TTC7B: variants seen among roughly 807,000 people sequenced by gnomAD.
TTC7B encodes tetratricopeptide repeat domain 7B.
TTC7B carries 28 observed loss-of-function variants against 106.8 expected under a neutral mutation model. The observed-to-expected ratio is 0.26, with a 90% confidence interval of 0.19 to 0.36. The LOEUF (loss-of-function observed/expected upper bound fraction) is 0.36, where lower values mean the gene tolerates loss of function less well. TTC7B is among the 10% of genes least tolerant of loss of function. TTC7B has a pLI of 1.00. For missense variants in TTC7B, 862 were observed against 1,076.4 expected, an observed-to-expected ratio of 0.80 and a Z score of 2.79; for synonymous variants, 405 against 430.6, an observed-to-expected ratio of 0.94 and a Z score of 0.74.
At chr14:90,658,176 A>AC (rs989791387) in intron 10 of TTC7B, 128 bp downstream of exon 10, 41 of 794,322 alleles carry the variant, frequency 5.2e-5, no homozygotes, top group Non-Finnish European at 3.2e-5. Context: ...AGAACGGACC[A>AC]CGATAGTTTC....
At chr14:90,592,848 G>A (rs1203190561) in intron 18 of TTC7B, among the ~76,000 whole-genome samples, 2 of 152,192 alleles carry the variant, frequency 1.3e-5, no homozygotes, top group African/African-American at 2.4e-5. Flanking sequence ...CCAGGTCAGA[G>A]GCTGTTGCTG....
At chr14:90,566,433 TGCAATAAGACAAAGG>T (rs1485021399) in intron 19 of TTC7B, among the ~76,000 whole-genome samples, 2 of 151,998 alleles carry the variant, frequency 1.3e-5, no homozygotes, top group Non-Finnish European at 2.9e-5. Flanking sequence ...ATCTGCAAAG[TGCAATAAGACAAAGG>T]GCAATAAGAC....
At chr14:90,773,317 C>T (rs1026682042) in intron 3 of TTC7B, among the ~76,000 whole-genome samples, 11 of 152,210 alleles carry the variant, frequency 7.2e-5, no homozygotes, top group African/African-American at 2.7e-4. Context: ...AGAACACAAT[C>T]AAGGCTAAGC....
intron 17 of TTC7B, chr14:90,603,398 A>G (rs1892512253): frequency 1.2e-5 from 9 of 769,094 alleles, no homozygotes; most frequent in South Asian, 1.1e-4. Context: ...AGTTCTAATA[A>G]CCTTCCAACT....
At chr14:90,591,146 G>T (rs1891941935) in intron 18 of TTC7B, among the ~76,000 whole-genome samples, 2 of 152,158 alleles carry the variant, frequency 1.3e-5, no homozygotes, top group Non-Finnish European at 2.9e-5. Context: ...TCGAGACCAA[G>T]CCTGGCCAAC....
chr14:90,681,597 A>G (rs542948416), intron 7 of TTC7B, among the ~76,000 whole-genome samples: 143 of 152,336 alleles, frequency 9.4e-4, no homozygotes, highest in African/African-American at 3.4e-3. Flanking sequence ...GGAGGAATGC[A>G]GCGCCTGGTA....
chr14:90,676,728 T>G, intron 8 of TTC7B, 68 bp from the exon 9 acceptor site: 1 of 1,557,282 alleles, frequency 6.4e-7, no homozygotes. Context: ...GGAGTCCACC[T>G]AGGCCCTCCT....
chr14:90,707,041 C>CT (rs1309984740), intron 5 of TTC7B, among the ~76,000 whole-genome samples: 1 of 152,194 alleles, frequency 6.6e-6, no homozygotes, highest in African/African-American at 2.4e-5. Flanking sequence ...CTTAAATCTG[C>CT]TTTTTCCTTT....
At position 90,785,166 on chromosome 14, in the gene TTC7B, C is replaced by T. The variant is rs151104021; in HGVS notation, c.276+1008G>A. On this transcript the variant is annotated intron_variant, in intron 2 of 19. Transcript: ENST00000328459. ...GAGGCGAGTAACCTCCCCGGGGTCA[C>T]ACAGCAAGTCGGGAGCAGGCTGGAG... Among the ~76,000 whole-genome samples the T allele has an allele frequency of 1.4e-3, 208 of 152,220 alleles. 1 individual carries two copies. Among genetic ancestry groups the T allele is most frequent in the African/African-American group, 4.6e-3 (190 of 41,536 alleles).
chr14:90,681,161 A>G (rs1179716029), intron 7 of TTC7B, among the ~76,000 whole-genome samples: 1 of 152,222 alleles, frequency 6.6e-6, no homozygotes, highest in Admixed American at 6.5e-5. Context: ...GTTGCTCAGG[A>G]TTAGAGAATA....
rs971030588 is a variant in TTC7B at position 90,570,946 on chromosome 14, C to T, written c.2310+7160G>A. 6.6e-6 allele frequency among the ~76,000 whole-genome samples: 1 copy of T among 152,258 alleles called. No individual in the cohort carries two copies. The highest frequency in any genetic ancestry group is 1.5e-5 in the Non-Finnish European group (1 of 68,024). On this transcript the variant is annotated intron_variant, in intron 19 of 19. Coordinates refer to ENST00000328459, the MANE Select transcript of TTC7B (RefSeq NM_001010854.2). This position sits in a 1 kb window ranked among gnomAD's most constrained non-coding sequence, Gnocchi z 4.0. ...CTGGGACTGGAACCCAGGCAGCTGG[C>T]GCCAGCACCGTGCTCCCGATCTTTC...
chr14:90,584,482 C>T (rs1891635050), intron 18 of TTC7B, among the ~76,000 whole-genome samples: 1 of 152,212 alleles, frequency 6.6e-6, no homozygotes, highest in South Asian at 2.1e-4. Context: ...CAGGGCTGCA[C>T]CAGCCTGGAG....
chr14:90,775,103 G>A (rs1890984921), intron 3 of TTC7B, among the ~76,000 whole-genome samples: 1 of 151,832 alleles, frequency 6.6e-6, no homozygotes, highest in African/African-American at 2.4e-5. Flanking sequence ...CTTCCTGATG[G>A]TCAAACCCTC....
intron 3 of TTC7B, chr14:90,772,978 A>G (rs1323039972): frequency 6.6e-6 from 1 of 152,238 alleles, no homozygotes; most frequent in East Asian, 1.9e-4. Context: ...TAAATTTTTT[A>G]AAAGAACAAT....
Position 90,657,370 on chromosome 14 carries a change from C to T in TTC7B, c.1237-92G>A, listed in dbSNP as rs893008696. 3 of 1,252,306 alleles carry T rather than the reference C, an allele frequency of 2.4e-6. No homozygotes were observed. Among genetic ancestry groups the T allele is most frequent in the Non-Finnish European group, 3.3e-6 (3 of 897,032 alleles). 77.6% of individuals were successfully genotyped at this position (1,252,306 alleles called of 1,614,324 possible). ...TCAGAGGGGTTTTTGGTCAGGGTGA[C>T]CTCCTCGTGGGCTTGTCCAACTTTA... On this transcript the variant is annotated intron_variant, in intron 10 of 19. Coordinates refer to ENST00000328459, the MANE Select transcript of TTC7B (RefSeq NM_001010854.2). The surrounding 1 kb of genome is among the most constrained non-coding windows in gnomAD (Gnocchi z 4.2).
chr14:90,788,940 C>CA (rs1336982850), intron 1 of TTC7B, among the ~76,000 whole-genome samples: 1 of 150,064 alleles, frequency 6.7e-6, no homozygotes, highest in Non-Finnish European at 1.5e-5. Flanking sequence ...TCCAGCTTGG[C>CA]AACAGAGTGA....
intron 1 of TTC7B, among the ~76,000 whole-genome samples, chr14:90,790,859 CT>C (rs1891563219): frequency 6.6e-6 from 1 of 152,074 alleles, no homozygotes; most frequent in African/African-American, 2.4e-5. Context: ...TGAGTAGGAC[CT>C]GGGCTGGCAA....
chr14:90,554,075 C>T (rs1439624803), intron 19 of TTC7B, among the ~76,000 whole-genome samples: 1 of 152,202 alleles, frequency 6.6e-6, no homozygotes, highest in Non-Finnish European at 1.5e-5. Context: ...GACTTGGCCC[C>T]CCATTTCCCC....
At chr14:90,716,143 C>T (rs980318940) in intron 5 of TTC7B, among the ~76,000 whole-genome samples, 3 of 152,146 alleles carry the variant, frequency 2.0e-5, no homozygotes, top group African/African-American at 7.2e-5. Context: ...ACAGGTGAAG[C>T]TTTACAGCCA....
Sources: gnomAD v4.1 joint callset for allele counts (sites outside exome capture counted in the v4.1 genomes callset) on GRCh38, gnomAD v4.1.1 for gene constraint, Gnocchi (gnomAD v3.1) non-coding constraint, MANE v1.5 for transcripts, NCBI Gene and HGNC (gene_info 2026-07-23, HGNC 2026-07-21) for gene names.